Variants in TRIM26 observed in about 807,000 individuals in gnomAD.
The protein encoded by TRIM26 is tripartite motif containing 26, also known as tripartite motif-containing protein 26.
Under a neutral mutation model 45.5 loss-of-function variants are expected in TRIM26, and 16 were observed. That is an observed-to-expected ratio of 0.35 (90% confidence interval 0.24 to 0.53). TRIM26 has a LOEUF of 0.53. Ranked by LOEUF, TRIM26 falls within the 20% of genes least tolerant of loss-of-function variation. TRIM26 has a pLI of 0.92. For synonymous variants in TRIM26, 273 were observed against 290.4 expected (o/e 0.94, Z 0.61); for missense variants, 442 against 691.1 (o/e 0.64, Z 4.04).
intron 6 of TRIM26, among the ~76,000 whole-genome samples, chr6:30,193,131 C>CAT (rs41316798): frequency 1.2e-4 from 5 of 43,066 alleles, no homozygotes; most frequent in South Asian, 6.6e-4. Context: ...TATATATATA[C>CAT]ATATATGTGT....
chr6:30,187,946 G>A (rs865789393), intron 9 of TRIM26, among the ~76,000 whole-genome samples: 12 of 124,704 alleles, frequency 9.6e-5, no homozygotes, highest in East Asian at 2.6e-4. Context: ...AAGGCCGGGC[G>A]CGGTGGCTCA....
In TRIM26 at chr6:30,196,458, G is replaced by T; in HGVS notation, c.765+58C>A. On this transcript the variant is annotated intron_variant, in intron 6 of 9. Transcript: ENST00000454678. This position sits in a 1 kb window ranked among gnomAD's most constrained non-coding sequence, Gnocchi z 4.9. ...TCTTCTAAGGTCCTGCAAGTGAATG[G>T]CAGGGCTGGGACCCACCGTCCTGGT... 1 of 1,537,548 alleles carries T rather than the reference G, an allele frequency of 6.5e-7. No homozygotes were observed. The highest frequency in any genetic ancestry group is 8.8e-7 in the Non-Finnish European group (1 of 1,133,880).
intron 6 of TRIM26, among the ~76,000 whole-genome samples, chr6:30,191,802 C>A (rs1206966373): frequency 1.3e-5 from 2 of 152,228 alleles, no homozygotes; most frequent in East Asian, 3.8e-4. Flanking sequence ...CCCCTCAAAA[C>A]ATGTAAGTCC....
Position 30,190,673 on chromosome 6 carries a change from C to A in TRIM26, c.766-638G>T, listed in dbSNP as rs1775739728. On this transcript the variant is annotated intron_variant, in intron 6 of 9. Transcript: ENST00000454678. This position sits in a 1 kb window ranked among gnomAD's most constrained non-coding sequence, Gnocchi z 4.3. Reference sequence around the variant, plus strand: ...GTGATAGAAAGCAATGACCATAATTCTGGGCATTGTCCTTTAAAAAAAGAA... The same window carrying A: ...GTGATAGAAAGCAATGACCATAATTATGGGCATTGTCCTTTAAAAAAAGAA... Among the ~76,000 whole-genome samples the A allele has an allele frequency of 6.6e-6, 1 of 152,212 alleles. No individual in the cohort carries two copies. Among genetic ancestry groups the A allele is most frequent in the Non-Finnish European group, 1.5e-5 (1 of 68,044 alleles).
intron 6 of TRIM26, among the ~76,000 whole-genome samples, chr6:30,192,936 T>A (rs981901757): frequency 1.3e-5 from 2 of 151,490 alleles, no homozygotes; most frequent in Non-Finnish European, 2.9e-5. Flanking sequence ...ATGTTCTTGG[T>A]TCCTTTGTTG....
rs757613298 is a variant in TRIM26, at chr6:30,186,527, A to G, written c.969T>C (p.Ser323=). 16 of 1,521,616 alleles carry G rather than the reference A, an allele frequency of 1.1e-5. No homozygotes were observed. Among genetic ancestry groups the G allele is most frequent in the Non-Finnish European group, 1.4e-5 (16 of 1,137,922 alleles). 94.3% of individuals were successfully genotyped at this position (1,521,616 alleles called of 1,614,324 possible). Residue 323 remains serine, a synonymous_variant, in exon 10 of 10, where the codon AGT becomes AGC. Coordinates refer to ENST00000454678, the MANE Select transcript of TRIM26 (RefSeq NM_003449.5). This position sits in a 1 kb window ranked among gnomAD's most constrained non-coding sequence, Gnocchi z 7.4. ...VSVTLDPQSA[S]GYLQLSEDWK... is the part of the protein sequence containing the mutation. ...AGTCCTCTGACAGCTGCAGGTACCC[A>G]CTGGCCGACTGTGGGTCCAGGGTGA...
intron 1 of TRIM26, among the ~76,000 whole-genome samples, chr6:30,205,096 C>T (rs1253457805): frequency 6.6e-6 from 1 of 152,020 alleles, no homozygotes; most frequent in African/African-American, 2.4e-5. Context: ...ACAAAATTAG[C>T]CAGGTGTGGT....
intron 1 of TRIM26, among the ~76,000 whole-genome samples, chr6:30,208,904 A>ATCTGTGTGTGTGTG (rs71550189): frequency 2.8e-5 from 4 of 140,730 alleles, no homozygotes; most frequent in Non-Finnish European, 6.2e-5. Flanking sequence ...GATATAGAAT[A>ATCTGTGTGTGTGTG]TGTGTGTGTG....
chr6:30,206,473 A>G (rs771639055), intron 1 of TRIM26, among the ~76,000 whole-genome samples: 2 of 152,264 alleles, frequency 1.3e-5, no homozygotes, highest in Non-Finnish European at 2.9e-5. Flanking sequence ...TGGGAGGTGG[A>G]TGAGACAAGG....
intron 6 of TRIM26, among the ~76,000 whole-genome samples, chr6:30,193,370 T>C (rs1469513538): frequency 6.7e-6 from 1 of 150,140 alleles, no homozygotes; most frequent in Admixed American, 6.7e-5. Flanking sequence ...TTAGTAGAGA[T>C]GGGGTTTCAC....
intron 3 of TRIM26, among the ~76,000 whole-genome samples, chr6:30,199,826 C>A (rs143444447): frequency 6.6e-6 from 1 of 152,024 alleles, no homozygotes; most frequent in African/African-American, 2.4e-5. Context: ...TTAGTAGAGA[C>A]GGGGTTTCAC....
chr6:30,212,263 A>C (rs1222280317), intron 1 of TRIM26, among the ~76,000 whole-genome samples: 1 of 152,254 alleles, frequency 6.6e-6, no homozygotes, highest in African/African-American at 2.4e-5. Context: ...CAAGTCTGAG[A>C]AACTCCCACA....
chr6:30,196,635 C>A lies in TRIM26; in HGVS notation c.646G>T (p.Glu216Ter). ...AACTTCTCCCTGCCCTCCGTGAGCT[C>A]CTGCTCCAGCTTCGCCAGCTGTTCC... ...LLEQLAKLEQELTEGREKFKS... is the reference protein window; with the variant it reads ...LLEQLAKLEQ Residue 216 changes from glutamate to a stop codon, truncating the protein, a stop_gained, in exon 6 of 10, where the codon GAG becomes TAG. Coordinates refer to ENST00000454678, the MANE Select transcript of TRIM26 (RefSeq NM_003449.5). LOFTEE classifies it high-confidence loss of function. The surrounding 1 kb of genome is among the most constrained non-coding windows in gnomAD (Gnocchi z 4.9). 1 of 1,614,198 alleles carries A rather than the reference C, an allele frequency of 6.2e-7. No individual in the cohort carries two copies. Among genetic ancestry groups the A allele is most frequent in the South Asian group, 1.1e-5 (1 of 91,088 alleles).
intron 2 of TRIM26, among the ~76,000 whole-genome samples, chr6:30,204,410 C>T (rs1562228696): frequency 6.6e-6 from 1 of 152,242 alleles, no homozygotes; most frequent in Non-Finnish European, 1.5e-5. Context: ...TCTGCTGATA[C>T]TGACCAAAAG....
chr6:30,189,993 T>C lies in TRIM26; in HGVS notation c.788+20A>G, dbSNP rs767389681. On this transcript the variant is annotated intron_variant, in intron 7 of 9. Coordinates refer to ENST00000454678, the MANE Select transcript of TRIM26 (RefSeq NM_003449.5). The surrounding 1 kb of genome is among the most constrained non-coding windows in gnomAD (Gnocchi z 5.0). ...TAAACAAGGGGGATGAGGTACGCCATGGAGAGGAGACTCTTTTACCTGTTT... is the reference window on the plus strand; with the variant it reads ...TAAACAAGGGGGATGAGGTACGCCACGGAGAGGAGACTCTTTTACCTGTTT... The C allele has an allele frequency of 3.1e-5, 50 of 1,612,816 alleles. No homozygotes were observed. Among genetic ancestry groups the C allele is most frequent in the Non-Finnish European group, 3.9e-5 (46 of 1,179,912 alleles).
At position 30,196,827 on chromosome 6, in the gene TRIM26, C is replaced by T. The variant is rs1776529606; in HGVS notation, c.535-81G>A. On this transcript the variant is annotated intron_variant, in intron 5 of 9. Transcript: ENST00000454678. The surrounding 1 kb of genome is among the most constrained non-coding windows in gnomAD (Gnocchi z 4.9). Reference sequence around the variant, plus strand: ...CAGTGCTGGAGGTGTGCAAGGCTGGCTCGTTCACCTCGCTACCCCCGTTCA... The same window carrying T: ...CAGTGCTGGAGGTGTGCAAGGCTGGTTCGTTCACCTCGCTACCCCCGTTCA... The T allele has an allele frequency of 2.2e-6, 3 of 1,363,690 alleles. No individual in the cohort carries two copies. The highest frequency in any genetic ancestry group is 3.1e-6 in the Non-Finnish European group (3 of 975,004). 84.5% of individuals were successfully genotyped at this position (1,363,690 alleles called of 1,614,324 possible).
chr6:30,187,083 G>A lies in TRIM26; in HGVS notation c.938-525C>T, dbSNP rs140241605. The A allele has an allele frequency of 1.4e-3, 398 of 289,186 alleles. 2 individuals carry two copies. The highest frequency in any genetic ancestry group is 7.8e-3 in the African/African-American group (346 of 44,312). 17.9% of individuals were successfully genotyped at this position (289,186 alleles called of 1,614,324 possible). On this transcript the variant is annotated intron_variant, in intron 9 of 9. Transcript: ENST00000454678. Reference sequence around the variant, plus strand: ...GTTGGTTCATTCACATAGTAATTGGGATCTTTTTTGGCTGTTGTATTTCTG... The same window carrying A: ...GTTGGTTCATTCACATAGTAATTGGAATCTTTTTTGGCTGTTGTATTTCTG...
chr6:30,188,147 G>C, intron 9 of TRIM26: 1 of 162,414 alleles, frequency 6.2e-6, no homozygotes, highest in East Asian at 1.6e-4. Context: ...TGAACCCCAG[G>C]AGGCGGAGCC....
At position 30,186,194 on chromosome 6, in the gene TRIM26, C is replaced by T; in HGVS notation, c.1302G>A (p.Leu434=). Residue 434 remains leucine, a synonymous_variant, in exon 10 of 10, where the codon CTG becomes CTA. Transcript: ENST00000454678. This position sits in a 1 kb window ranked among gnomAD's most constrained non-coding sequence, Gnocchi z 7.4. ...EEEEEEEEEV[L]ESCMVGVARD... ...TAGCCACCCCCACCATGCAGCTTTCCAGAACTTCCTCCTCTTCCTCCTCCT... is the reference window on the plus strand; with the variant it reads ...TAGCCACCCCCACCATGCAGCTTTCTAGAACTTCCTCCTCTTCCTCCTCCT... 1.3e-6 allele frequency: 2 copies of T among 1,597,814 alleles called. No individual in the cohort carries two copies. The highest frequency in any genetic ancestry group is 1.7e-6 in the Non-Finnish European group (2 of 1,171,726).
Sources: gnomAD v4.1 joint callset for allele counts (sites outside exome capture counted in the v4.1 genomes callset) on GRCh38, gnomAD v4.1.1 for gene constraint, Gnocchi (gnomAD v3.1) non-coding constraint, MANE v1.5 for transcripts, NCBI Gene and HGNC (gene_info 2026-07-23, HGNC 2026-07-21) for gene names.